The following AAK1 variants were observed in gnomAD, a reference collection of about 807,000 sequenced individuals.
AAK1 encodes AP2 associated kinase 1, also known as AP2-associated protein kinase 1.
In AAK1, 37 loss-of-function variants were observed where a neutral mutation model predicts 116.0. That is an observed-to-expected ratio of 0.32 (90% confidence interval 0.25 to 0.42). AAK1 has a LOEUF of 0.42. Among genes scored for constraint, AAK1 ranks in the 10% least tolerant of loss-of-function variants. The probability of loss-of-function intolerance (pLI) is 1.00; values close to 1 mark genes in which losing one functional copy is unlikely to be tolerated. For missense variants in AAK1, 919 were observed against 1,170.6 expected (o/e 0.79, Z 3.14); for synonymous variants, 458 against 439.9 (o/e 1.04, Z -0.51).
intron 16 of AAK1, among the ~76,000 whole-genome samples, chr2:69,496,988 A>G (rs1330800569): frequency 6.6e-6 from 1 of 152,134 alleles, no homozygotes; most frequent in African/African-American, 2.4e-5. Context: ...ACAGAACTCT[A>G]TACACCCTAT....
At chr2:69,573,202 A>C (rs1672159485) in intron 2 of AAK1, among the ~76,000 whole-genome samples, 1 of 152,176 alleles carries the variant, frequency 6.6e-6, no homozygotes. Flanking sequence ...GGGCCTCAAC[A>C]AAGGGTTGAA....
rs112324326 is a variant in AAK1 at position 69,534,046 on chromosome 2, A to G, written c.535-1884T>C. ...CAACAAAACAACGCTAATGTTTTCA[A>G]TCTAATTTAGAGGTTATAAAAATAA... On this transcript the variant is annotated intron_variant, in intron 5 of 21. Transcript: ENST00000409085. 3.8e-3 allele frequency among the ~76,000 whole-genome samples: 585 copies of G among 152,334 alleles called. 2 individuals carry two copies. The highest frequency in any genetic ancestry group is 0.013 in the African/African-American group (544 of 41,566).
chr2:69,614,887 C>T (rs1330496436), intron 2 of AAK1, among the ~76,000 whole-genome samples: 2 of 152,060 alleles, frequency 1.3e-5, no homozygotes, highest in Non-Finnish European at 2.9e-5. Context: ...TGCCTGGAGC[C>T]ACGAGAAGCC....
chr2:69,511,890 A>C (rs995273390), intron 13 of AAK1, among the ~76,000 whole-genome samples: 1 of 152,222 alleles, frequency 6.6e-6, no homozygotes, highest in Non-Finnish European at 1.5e-5. Context: ...ACAGACACTA[A>C]GTGGTTTGTA....
At chr2:69,493,158 C>CAAAA (rs574490585) in intron 17 of AAK1, among the ~76,000 whole-genome samples, 2,409 of 37,500 alleles carry the variant, frequency 0.064, 453 homozygotes, top group East Asian at 0.38. Flanking sequence ...GACTCCGTCT[C>CAAAA]AAAAAAAAAA....
rs546900058 is a variant in AAK1, at chr2:69,495,756, G to A, written c.2365+229C>T. On this transcript the variant is annotated intron_variant, in intron 17 of 21. Coordinates refer to ENST00000409085, the MANE Select transcript of AAK1 (RefSeq NM_014911.5). ...GAAAAACTGAACATTGATATAATAT[G>A]GAAATCAATTTGGTATAACCTGAAC... 2.0e-4 allele frequency among the ~76,000 whole-genome samples: 30 copies of A among 152,220 alleles called. No individual in the cohort carries two copies. In the South Asian group the frequency reaches 5.8e-3, roughly 29 times the overall value.
At chr2:69,569,320 T>A (rs1204398892) in intron 2 of AAK1, among the ~76,000 whole-genome samples, 2 of 152,144 alleles carry the variant, frequency 1.3e-5, no homozygotes, top group African/African-American at 4.8e-5. Flanking sequence ...AGTATTAACA[T>A]TTTGCTATAC....
chr2:69,599,285 G>C (rs1415110304), intron 2 of AAK1, among the ~76,000 whole-genome samples: 1 of 149,666 alleles, frequency 6.7e-6, no homozygotes, highest in Non-Finnish European at 1.5e-5. Context: ...TCCATAATAA[G>C]AAAGCAATGT....
At chr2:69,629,659 C>T (rs543015645) in intron 2 of AAK1, among the ~76,000 whole-genome samples, 8 of 152,130 alleles carry the variant, frequency 5.3e-5, no homozygotes, top group South Asian at 4.1e-4. Context: ...ATCTCAAATC[C>T]GTCTAGTCTC....
intron 13 of AAK1, among the ~76,000 whole-genome samples, chr2:69,510,741 C>G (rs1182503706): frequency 6.6e-6 from 1 of 152,090 alleles, no homozygotes; most frequent in African/African-American, 2.4e-5. Flanking sequence ...TATATAAGAT[C>G]CTATTTCTGT....
Position 69,468,976 on chromosome 2 carries a change from A to G in AAK1, c.*6893T>C. 10 of 985,476 alleles carry G rather than the reference A, an allele frequency of 1.0e-5. No homozygotes were observed. Among genetic ancestry groups the G allele is most frequent in the Non-Finnish European group, 1.1e-5 (9 of 829,934 alleles). 61.0% of individuals were successfully genotyped at this position (985,476 alleles called of 1,614,324 possible). ...TCCAACAACTTTGAATAATTTACAA[A>G]AACAGTCACAAAAACACCAGAATAT... On this transcript the variant is annotated 3_prime_UTR_variant, in exon 22 of 22. Coordinates refer to ENST00000409085, the MANE Select transcript of AAK1 (RefSeq NM_014911.5).
intron 3 of AAK1, among the ~76,000 whole-genome samples, chr2:69,549,241 C>T (rs1198882485): frequency 5.3e-5 from 8 of 152,030 alleles, no homozygotes; most frequent in East Asian, 1.9e-4. Context: ...TGGTGGCATG[C>T]GCCTGTAGTC....
intron 2 of AAK1, among the ~76,000 whole-genome samples, chr2:69,604,052 T>C (rs1313650508): frequency 6.6e-6 from 1 of 152,228 alleles, no homozygotes; most frequent in African/African-American, 2.4e-5. Context: ...ACTCGGTTAG[T>C]TAGAGAGTCT....
At chr2:69,519,384 C>G in intron 11 of AAK1, 144 bp from the exon 12 acceptor site, 1 of 1,193,490 alleles carries the variant, frequency 8.4e-7, no homozygotes, top group South Asian at 1.8e-5. Context: ...TTTCCACATG[C>G]TCTGTCCCAC....
At chr2:69,581,978 T>C (rs1672566446) in intron 2 of AAK1, among the ~76,000 whole-genome samples, 1 of 151,634 alleles carries the variant, frequency 6.6e-6, no homozygotes, top group East Asian at 1.9e-4. Flanking sequence ...TGCCCTGTCT[T>C]TAAAAAAAAA....
intron 2 of AAK1, among the ~76,000 whole-genome samples, chr2:69,559,791 A>T (rs1671554187): frequency 6.6e-6 from 1 of 152,238 alleles, no homozygotes; most frequent in African/African-American, 2.4e-5. Flanking sequence ...AGGTGGGAAT[A>T]GGTATTTCCT....
chr2:69,508,399 A>G (rs1676268765), intron 14 of AAK1, among the ~76,000 whole-genome samples: 1 of 152,246 alleles, frequency 6.6e-6, no homozygotes, highest in East Asian at 1.9e-4. Context: ...ATTTTCTTAT[A>G]AAGTCTCTCT....
intron 5 of AAK1, among the ~76,000 whole-genome samples, chr2:69,538,727 C>T (rs928303245): frequency 6.6e-6 from 1 of 152,084 alleles, no homozygotes; most frequent in Non-Finnish European, 1.5e-5. Flanking sequence ...ACTAAAAATA[C>T]AAAAATTAGC....
intron 2 of AAK1, among the ~76,000 whole-genome samples, chr2:69,594,184 G>A (rs1008332497): frequency 3.3e-5 from 5 of 152,152 alleles, no homozygotes; most frequent in Non-Finnish European, 7.3e-5. Flanking sequence ...TAAATTCAAA[G>A]CTAGGTTTTA....
Sources: allele counts gnomAD v4.1 joint callset (sites outside exome capture counted in the v4.1 genomes callset), GRCh38; gene constraint gnomAD v4.1.1; transcripts MANE v1.5; gene names NCBI Gene and HGNC (gene_info 2026-07-23, HGNC 2026-07-21).